The following ADGRA2 variants were observed in gnomAD, a reference collection of about 807,000 sequenced individuals.
The protein encoded by ADGRA2 is adhesion G protein-coupled receptor A2.
ADGRA2 carries 61 observed loss-of-function variants against 98.7 expected under a neutral mutation model. The observed-to-expected ratio is 0.62, with a 90% CI of 0.50 to 0.76. ADGRA2 has a LOEUF of 0.76. Ranked by LOEUF, ADGRA2 falls within the 30% of genes least tolerant of loss-of-function variation. ADGRA2 has a pLI of 0.00. For missense variants in ADGRA2, 1,712 were observed against 1,860.0 expected (o/e 0.92, Z 1.46); for synonymous variants, 858 against 831.5 (o/e 1.03, Z -0.55).
Position 37,840,856 on chromosome 8 carries a change from A to AGCC in ADGRA2, c.2747+7_2747+8insGCC. ...ACCGGGACCACAGCCCCTAGTGAGC[A>AGCC]CCCCTCCCTCCCGCCCCAAGCCTAC... On this transcript the variant is annotated splice_region_variant and intron_variant, in intron 18 of 18. Transcript: ENST00000412232. 9 of 1,483,328 alleles carry AGCC rather than the reference A, an allele frequency of 6.1e-6. No individual in the cohort carries two copies. The highest frequency in any genetic ancestry group is 8.4e-6 in the Non-Finnish European group (9 of 1,067,514). 91.9% of individuals were successfully genotyped at this position (1,483,328 alleles called of 1,614,324 possible). A position where few individuals can be genotyped will look rare whatever the true frequency, so the allele number is the denominator to read the frequency against.
intron 2 of ADGRA2, among the ~76,000 whole-genome samples, chr8:37,820,750 G>C (rs1364838869): frequency 6.6e-6 from 1 of 152,238 alleles, no homozygotes; most frequent in Non-Finnish European, 1.5e-5. Context: ...TTTGCAAATG[G>C]GCTGTGTGTA....
intron 2 of ADGRA2, among the ~76,000 whole-genome samples, chr8:37,823,632 C>T (rs1238684442): frequency 6.6e-6 from 1 of 152,232 alleles, no homozygotes; most frequent in Non-Finnish European, 1.5e-5. Flanking sequence ...GTAACCCGAA[C>T]TGTGAAACTG....
Position 37,842,573 on chromosome 8 carries a change from CG to C in ADGRA2, c.*222del. The stretch of plus-strand genomic sequence containing the variant: ...ACGCATAATACATTTCCGTCCAGCC[CG>C]GGGCAGTCTGACTGTCGGTGCCCTC... On this transcript the variant is annotated 3_prime_UTR_variant, in exon 19 of 19. Transcript: ENST00000412232. 1.3e-6 allele frequency: 1 copy of C among 773,854 alleles called. No individual in the cohort carries two copies. The allele number at this position is 773,854 out of a possible 1,614,324, so 47.9% of individuals were successfully genotyped here.
In ADGRA2 at chr8:37,832,899, G is replaced by T. The variant is rs894243831; in HGVS notation, c.1098-111G>T. 4 of 793,024 alleles carry T rather than the reference G, an allele frequency of 5.0e-6. No homozygotes were observed. In the African/African-American group the frequency reaches 5.2e-5, roughly 10 times the overall value. 49.1% of individuals were successfully genotyped at this position (793,024 alleles called of 1,614,324 possible). A position where few individuals can be genotyped will look rare whatever the true frequency, so the allele number is the denominator to read the frequency against. ...GAAGGCTGGTCTGAACCCCGCTCCT[G>T]GATCCCTCCCCAAGGCCCCAAGGAG... On this transcript the variant is annotated intron_variant, in intron 8 of 18. Coordinates refer to ENST00000412232, the MANE Select transcript of ADGRA2 (RefSeq NM_032777.10).
At chr8:37,808,418 G>A (rs1173420821) in intron 1 of ADGRA2, among the ~76,000 whole-genome samples, 2 of 152,184 alleles carry the variant, frequency 1.3e-5, no homozygotes, top group African/African-American at 2.4e-5. Context: ...AGAGGGCCGA[G>A]GCTGACCCTA....
Position 37,829,852 on chromosome 8 carries a change from G to C in ADGRA2, c.556G>C (p.Asp186His). 1 of 1,610,372 alleles carries C rather than the reference G, an allele frequency of 6.2e-7. No homozygotes were observed. Residue 186 changes from aspartate (D) to histidine (H), a missense_variant and splice_region_variant, in exon 6 of 19, where the codon GAC becomes CAC. Transcript: ENST00000412232. ...GTGACCCCTCTGCCCACCCTGCAGGGACTTGGGCACCGAGTTCCTGACCTG... is the reference window on the plus strand; with the variant it reads ...GTGACCCCTCTGCCCACCCTGCAGGCACTTGGGCACCGAGTTCCTGACCTG... ...FDELPALKVV[D>H]LGTEFLTCDC...
At chr8:37,835,818 C>T (rs773326553) in intron 13 of ADGRA2, 48 bp downstream of exon 13, 18 of 1,229,498 alleles carry the variant, frequency 1.5e-5, no homozygotes, top group South Asian at 6.2e-5. Context: ...CTCGTGTGTC[C>T]GCCCTGTTCC....
chr8:37,841,031 A>ACCCCC lies in ADGRA2; in HGVS notation c.2748-55_2748-54insCCCCC. 2.9e-6 allele frequency: 2 copies of ACCCCC among 696,516 alleles called. No homozygotes were observed. Among genetic ancestry groups the ACCCCC allele is most frequent in the Non-Finnish European group, 4.5e-6 (2 of 441,294 alleles). The allele number at this position is 696,516 out of a possible 1,614,324, so 43.1% of individuals were successfully genotyped here. ...TGTCTCCCCAACCACCCCGGCCCCC[A>ACCCCC]GCCCCACCCCAGCCATGCCCCCTGT... On this transcript the variant is annotated intron_variant, in intron 18 of 18. Transcript: ENST00000412232. This position sits in a 1 kb window ranked among gnomAD's most constrained non-coding sequence, Gnocchi z 5.0.
chr8:37,803,532 C>T (rs1204371062), intron 1 of ADGRA2, among the ~76,000 whole-genome samples: 1 of 152,224 alleles, frequency 6.6e-6, no homozygotes, highest in Non-Finnish European at 1.5e-5. Flanking sequence ...GTTCTATTTA[C>T]AGCTCAGACA....
chr8:37,832,579 G>T (rs1010046128), intron 8 of ADGRA2, among the ~76,000 whole-genome samples: 16 of 152,120 alleles, frequency 1.1e-4, no homozygotes, highest in African/African-American at 3.9e-4. Flanking sequence ...CAAGCACTGT[G>T]CCTGGCCACA....
In ADGRA2 at chr8:37,843,691, C is replaced by T. The variant is rs1015961120; in HGVS notation, c.*1336C>T. ...AGGGGAGGGGGAAAACCCACACACA[C>T]TCCTTGGAATGGGTCCTGTTATTTA... On this transcript the variant is annotated 3_prime_UTR_variant, in exon 19 of 19. Transcript: ENST00000412232. The T allele has an allele frequency of 6.6e-6, 1 of 152,510 alleles. No individual in the cohort carries two copies. The highest frequency in any genetic ancestry group is 1.5e-5 in the Non-Finnish European group (1 of 68,052). 9.4% of individuals were successfully genotyped at this position (152,510 alleles called of 1,614,324 possible). A position where few individuals can be genotyped will look rare whatever the true frequency, so the allele number is the denominator to read the frequency against.
chr8:37,833,043 C>T lies in ADGRA2; in HGVS notation c.1131C>T (p.Tyr377=), dbSNP rs1050790704. 6.8e-6 allele frequency: 11 copies of T among 1,613,268 alleles called. No homozygotes were observed. Among genetic ancestry groups the T allele is most frequent in the Non-Finnish European group, 6.8e-6 (8 of 1,179,892 alleles). The stretch of plus-strand genomic sequence containing the variant: ...GAACTCTGGCTGGCATCACAGCCTA[C>T]CAGTCCTGCCTGCAGTATCCCTTCA... ...WPRTLAGITA[Y]QSCLQYPFTS... The change falls in exon 9 of 19, where the codon TAC becomes TAT. Residue 377 remains tyrosine (Y), a synonymous_variant. Coordinates refer to ENST00000412232, the MANE Select transcript of ADGRA2 (RefSeq NM_032777.10).
chr8:37,801,190 C>T (rs1444216651), intron 1 of ADGRA2, among the ~76,000 whole-genome samples: 1 of 152,216 alleles, frequency 6.6e-6, no homozygotes, highest in African/African-American at 2.4e-5. Flanking sequence ...TTTTGCATCC[C>T]CTGTCTCCCC....
chr8:37,840,970 G>A (rs952368624), intron 18 of ADGRA2, 116 bp from the exon 19 acceptor site: 11 of 1,234,772 alleles, frequency 8.9e-6, no homozygotes, highest in South Asian at 4.0e-5. Context: ...CATGCATGCT[G>A]ACCAAGCCGT....
At chr8:37,836,037 CAACACACACACACA>C (rs1805602622) in intron 13 of ADGRA2, among the ~76,000 whole-genome samples, 1 of 102,378 alleles carries the variant, frequency 9.8e-6, no homozygotes, top group East Asian at 3.2e-4. Flanking sequence ...TAGCCCCCTC[CAACACACACACACA>C]CACACACACA....
At chr8:37,800,730 C>G (rs1028052523) in intron 1 of ADGRA2, among the ~76,000 whole-genome samples, 2 of 152,186 alleles carry the variant, frequency 1.3e-5, no homozygotes, top group African/African-American at 4.8e-5. Flanking sequence ...TTTTGCCCAG[C>G]AGCAAAGCCA....
At chr8:37,820,912 C>T (rs1315020162) in intron 2 of ADGRA2, among the ~76,000 whole-genome samples, 1 of 150,824 alleles carries the variant, frequency 6.6e-6, no homozygotes, top group Non-Finnish European at 1.5e-5. Context: ...AGATGATCAT[C>T]CAGAGAGGTT....
intron 1 of ADGRA2, among the ~76,000 whole-genome samples, chr8:37,806,513 C>CTTTTTCTTTTTTTTTTTTTTTTTTT (rs1563337972): frequency 1.9e-5 from 2 of 103,172 alleles, no homozygotes; most frequent in African/African-American, 1.0e-4. Flanking sequence ...TTTTCTTTTT[C>CTTTTTCTTTTTTTTTTTTTTTTTTT]TTTTTTCTTT....
chr8:37,798,437 C>T (rs1804407709), intron 1 of ADGRA2, among the ~76,000 whole-genome samples: 1 of 152,220 alleles, frequency 6.6e-6, no homozygotes, highest in African/African-American at 2.4e-5. Context: ...CAGCCCGACC[C>T]CAAGCCTCCT....
Sources: allele counts gnomAD v4.1 joint callset (sites outside exome capture counted in the v4.1 genomes callset), GRCh38; gene constraint gnomAD v4.1.1; non-coding constraint Gnocchi (gnomAD v3.1); transcripts MANE v1.5; gene names NCBI Gene and HGNC (gene_info 2026-07-23, HGNC 2026-07-21).